The following CREM variants were observed in gnomAD, a reference collection of about 807,000 sequenced individuals.
CREM encodes cAMP responsive element modulator, also known as cAMP-responsive element modulator.
Under a neutral mutation model 37.3 loss-of-function variants are expected in CREM, and 13 were observed. The observed-to-expected ratio is 0.35, with a 90% CI of 0.23 to 0.55. CREM has a LOEUF of 0.55. Ranked by LOEUF, CREM falls within the 20% of genes least tolerant of loss-of-function variation. CREM has a pLI of 0.88. For missense variants in CREM, 296 were observed against 362.3 expected (o/e 0.82, Z 1.49); for synonymous variants, 124 against 120.2 (o/e 1.03, Z -0.21).
At chr10:35,195,952 C>CCTCCAAGCTGCCTTTTAGA (rs1318613236) in intron 6 of CREM, 3 of 1,110,292 alleles carry the variant, frequency 2.7e-6, no homozygotes, top group Non-Finnish European at 2.7e-6. Flanking sequence ...ACTGCCTCTG[C>CCTCCAAGCTGCCTTTTAGA]CTCCAAGCTG....
In CREM at chr10:35,211,513, G is replaced by A. The variant is rs2095664704; in HGVS notation, c.*115G>A. The A allele has an allele frequency of 2.7e-6, 4 of 1,503,012 alleles. No homozygotes were observed. The Admixed American group carries it at 6.1e-5, about 23-fold the overall frequency. 93.1% of individuals were successfully genotyped at this position (1,503,012 alleles called of 1,614,324 possible). ...GTGTGACCCTTAAGAATCCAGTTTG[G>A]ATTAGTGTTTGAAATTGAATTGGGA... On this transcript the variant is annotated 3_prime_UTR_variant, in exon 8 of 8. Coordinates refer to ENST00000685392, the MANE Select transcript of CREM (RefSeq NM_183011.2).
intron 1 of CREM, among the ~76,000 whole-genome samples, chr10:35,129,089 T>C (rs529382229): frequency 1.3e-5 from 2 of 152,356 alleles, no homozygotes; most frequent in African/African-American, 4.8e-5. Context: ...CACACAACTT[T>C]GGCGAATCTG....
intron 3 of CREM, among the ~76,000 whole-genome samples, chr10:35,149,936 A>C (rs1046174003): frequency 1.3e-5 from 2 of 149,170 alleles, no homozygotes; most frequent in African/African-American, 5.0e-5. Context: ...ACACACACAC[A>C]CACCCTTGTT....
chr10:35,181,120 T>C (rs573568816), intron 5 of CREM, among the ~76,000 whole-genome samples: 3 of 152,350 alleles, frequency 2.0e-5, no homozygotes, highest in Admixed American at 1.3e-4. Flanking sequence ...TTAACTTGTC[T>C]AGATTATTAG....
intron 3 of CREM, among the ~76,000 whole-genome samples, chr10:35,173,283 T>A (rs892754478): frequency 6.6e-6 from 1 of 152,168 alleles, no homozygotes; most frequent in Admixed American, 6.6e-5. Context: ...ATGAAGAATA[T>A]CCATGATTTT....
chr10:35,202,793 T>C (rs1330613821), intron 6 of CREM, among the ~76,000 whole-genome samples: 1 of 152,242 alleles, frequency 6.6e-6, no homozygotes, highest in Non-Finnish European at 1.5e-5. Context: ...TGAAAAATTA[T>C]AATAAAACCC....
rs780005539 is a variant in CREM, at chr10:35,179,002, T to C, written c.266+16T>C. On this transcript the variant is annotated intron_variant, in intron 4 of 7. Transcript: ENST00000685392. ...CCTCTTATAGGTAAGTTAACCAAGTTTCCTAATGTAAAGATACTTTTTCCA... is the reference window on the plus strand; with the variant it reads ...CCTCTTATAGGTAAGTTAACCAAGTCTCCTAATGTAAAGATACTTTTTCCA... 6.3e-7 allele frequency: 1 copy of C among 1,585,664 alleles called. No homozygotes were observed. The highest frequency in any genetic ancestry group is 1.2e-5 in the South Asian group (1 of 86,778).
intron 2 of CREM, among the ~76,000 whole-genome samples, chr10:35,144,103 A>G (rs1417532378): frequency 6.6e-6 from 1 of 152,172 alleles, no homozygotes. Flanking sequence ...TTGTCTTCAG[A>G]GTGGATAGCA....
At chr10:35,174,383 C>A (rs985171264) in intron 3 of CREM, among the ~76,000 whole-genome samples, 1 of 152,160 alleles carries the variant, frequency 6.6e-6, no homozygotes, top group African/African-American at 2.4e-5. Flanking sequence ...TAATAGTGCA[C>A]CTAGTACAAG....
intron 3 of CREM, among the ~76,000 whole-genome samples, chr10:35,160,969 CCTT>C (rs2093256653): frequency 6.6e-6 from 1 of 152,076 alleles, no homozygotes. Context: ...TATGACAGTG[CCTT>C]CTTCTGGATA....
intron 5 of CREM, among the ~76,000 whole-genome samples, chr10:35,184,322 A>C (rs2133380730): frequency 6.6e-6 from 1 of 152,282 alleles, no homozygotes; most frequent in Admixed American, 6.5e-5. Context: ...TTCTATCTTG[A>C]TTTATGTTTA....
At position 35,127,064 on chromosome 10, in the gene CREM, G is replaced by C. The variant is rs961759763; in HGVS notation, c.-184G>C. ...GCATCACAGCTGACGTGAGGACTAC[G>C]TGGGGCCGCTGCCGGCTCCGGGTTG... On this transcript the variant is annotated 5_prime_UTR_variant, in exon 1 of 8. Coordinates refer to ENST00000685392, the MANE Select transcript of CREM (RefSeq NM_183011.2). The C allele has an allele frequency of 2.9e-4, 44 of 152,866 alleles. No homozygotes were observed. The highest frequency in any genetic ancestry group is 1.1e-3 in the African/African-American group (44 of 41,598). 9.5% of individuals were successfully genotyped at this position (152,866 alleles called of 1,614,324 possible). A position where few individuals can be genotyped will look rare whatever the true frequency, so the allele number is the denominator to read the frequency against.
intron 2 of CREM, among the ~76,000 whole-genome samples, chr10:35,145,176 A>G (rs1317455935): frequency 1.3e-5 from 2 of 151,646 alleles, no homozygotes; most frequent in East Asian, 3.9e-4. Flanking sequence ...AAAAAAAAAA[A>G]AAAAGGTATT....
At chr10:35,165,126 A>T (rs1241577256) in intron 3 of CREM, among the ~76,000 whole-genome samples, 2 of 152,026 alleles carry the variant, frequency 1.3e-5, no homozygotes, top group Non-Finnish European at 2.9e-5. Context: ...TAAAGAAAAG[A>T]AGTTTGTTTT....
chr10:35,138,602 G>C (rs1216774777), intron 2 of CREM, among the ~76,000 whole-genome samples: 1 of 149,486 alleles, frequency 6.7e-6, no homozygotes, highest in Admixed American at 6.7e-5. Context: ...TCTTGGCTCA[G>C]TGCAACCTCT....
chr10:35,148,154 TA>T (rs2092310173), intron 2 of CREM, among the ~76,000 whole-genome samples: 1 of 152,220 alleles, frequency 6.6e-6, no homozygotes, highest in Admixed American at 6.5e-5. Context: ...TTTTATACAA[TA>T]TTTTTAATGA....
At chr10:35,167,394 T>G in intron 3 of CREM, 1 of 241,892 alleles carries the variant, frequency 4.1e-6, no homozygotes, top group Non-Finnish European at 7.9e-6. Context: ...AGAGATTTGA[T>G]TTTTCAGGAG....
intron 3 of CREM, among the ~76,000 whole-genome samples, chr10:35,169,383 G>T (rs1293129513): frequency 6.6e-6 from 1 of 152,168 alleles, no homozygotes. Context: ...GTTCACTCAT[G>T]ATTTGGCTGT....
chr10:35,196,200 T>C (rs959423860), intron 6 of CREM: 1 of 1,169,112 alleles, frequency 8.6e-7, no homozygotes, highest in African/African-American at 1.5e-5. Context: ...TACTCCATCC[T>C]CTTACTCCAT....
Sources: allele counts gnomAD v4.1 joint callset (sites outside exome capture counted in the v4.1 genomes callset), GRCh38; gene constraint gnomAD v4.1.1; transcripts MANE v1.5; gene names NCBI Gene and HGNC (gene_info 2026-07-23, HGNC 2026-07-21).